The following AUTS2 variants were observed in gnomAD, a reference collection of about 807,000 sequenced individuals.
The protein encoded by AUTS2 is autism susceptibility gene 2 protein.
Under a neutral mutation model 112.4 loss-of-function variants are expected in AUTS2, and 17 were observed. The ratio of observed to expected loss-of-function variants is 0.15; its 90% CI spans 0.10 to 0.23. The LOEUF is 0.23. AUTS2 is among the 10% of genes least tolerant of loss of function. AUTS2 has a pLI of 1.00. For synonymous variants in AUTS2, 751 were observed against 702.7 expected (o/e 1.07, Z -1.09); for missense variants, 1,510 against 1,701.6 (o/e 0.89, Z 1.98).
At chr7:69,611,886 C>T (rs924933415) in intron 1 of AUTS2, among the ~76,000 whole-genome samples, 2 of 133,906 alleles carry the variant, frequency 1.5e-5, no homozygotes, top group South Asian at 2.4e-4. Context: ...GCCGAGATTG[C>T]GCCACTGCAG....
intron 1 of AUTS2, among the ~76,000 whole-genome samples, chr7:69,620,365 C>T (rs1198062906): frequency 6.6e-6 from 1 of 152,170 alleles, no homozygotes; most frequent in Non-Finnish European, 1.5e-5. Context: ...GGGAATTGGG[C>T]ACTGATGAAT....
At chr7:70,047,335 C>T (rs182244049) in intron 2 of AUTS2, among the ~76,000 whole-genome samples, 40 of 152,194 alleles carry the variant, frequency 2.6e-4, no homozygotes, top group Admixed American at 2.2e-3. Context: ...GAATGCTAAC[C>T]CTCACGGAGC....
At position 70,781,364 on chromosome 7, in the gene AUTS2, C is replaced by CAAAAAA. The variant is rs756708435; in HGVS notation, c.2005-236_2005-231dup. The CAAAAAA allele has an allele frequency of 1.1e-4, 14 of 123,338 alleles. 1 individual carries two copies. Among genetic ancestry groups the CAAAAAA allele is most frequent in the South Asian group, 3.0e-4 (2 of 6,564 alleles). 7.6% of individuals were successfully genotyped at this position (123,338 alleles called of 1,614,324 possible). A position where few individuals can be genotyped will look rare whatever the true frequency, so the allele number is the denominator to read the frequency against. ...AAGCAGAGTGAGGGAGACTCCGTCA[C>CAAAAAA]AAAAAAAAAAAAAAAAAAAACCAGA... On this transcript the variant is annotated intron_variant, in intron 14 of 18. Transcript: ENST00000342771.
chr7:69,951,858 G>T (rs1305640520), intron 2 of AUTS2, among the ~76,000 whole-genome samples: 1 of 152,112 alleles, frequency 6.6e-6, no homozygotes, highest in African/African-American at 2.4e-5. Context: ...TTTAACTCTC[G>T]ATTATTTGTG....
At chr7:70,379,702 G>C (rs1422965290) in intron 4 of AUTS2, among the ~76,000 whole-genome samples, 2 of 152,106 alleles carry the variant, frequency 1.3e-5, no homozygotes, top group Non-Finnish European at 2.9e-5. Flanking sequence ...ATACAGGCTA[G>C]AAAATCCTCT....
chr7:70,325,764 A>G (rs575201974), intron 4 of AUTS2, among the ~76,000 whole-genome samples: 2 of 152,316 alleles, frequency 1.3e-5, no homozygotes, highest in East Asian at 3.9e-4. Context: ...GGACAAGTTC[A>G]GAGCCATCAG....
intron 3 of AUTS2, chr7:70,118,465 G>A: frequency 4.4e-6 from 2 of 459,426 alleles, no homozygotes; most frequent in Non-Finnish European, 7.1e-6. Context: ...TCATTAGGTA[G>A]GAGGAACTAT....
At position 70,415,323 on chromosome 7, in the gene AUTS2, A is replaced by G. The variant is rs557740291; in HGVS notation, c.661-20429A>G. ...TGATTTTTTCATTATGTCAACTGGAAAATATAGTCAGACTGCCTGCCCTGC... is the reference window on the plus strand; with the variant it reads ...TGATTTTTTCATTATGTCAACTGGAGAATATAGTCAGACTGCCTGCCCTGC... On this transcript the variant is annotated intron_variant, in intron 4 of 18. Transcript: ENST00000342771. Among the ~76,000 whole-genome samples, 349 of 152,302 alleles carry G rather than the reference A, an allele frequency of 2.3e-3. 3 individuals are homozygous for G. Among genetic ancestry groups the G allele is most frequent in the Non-Finnish European group, 3.8e-3 (257 of 68,030 alleles).
At chr7:70,055,748 A>G (rs1426192820) in intron 2 of AUTS2, among the ~76,000 whole-genome samples, 1 of 152,106 alleles carries the variant, frequency 6.6e-6, no homozygotes, top group Non-Finnish European at 1.5e-5. Flanking sequence ...TTTTCCCTCT[A>G]AGTTTCCCCA....
intron 1 of AUTS2, among the ~76,000 whole-genome samples, chr7:69,695,681 T>C (rs905368872): frequency 7.2e-5 from 11 of 152,202 alleles, no homozygotes; most frequent in Non-Finnish European, 1.6e-4. Flanking sequence ...TTATAATATT[T>C]TGCTATATTT....
intron 5 of AUTS2, among the ~76,000 whole-genome samples, chr7:70,537,661 C>A (rs899832287): frequency 3.9e-5 from 6 of 152,068 alleles, no homozygotes; most frequent in African/African-American, 1.4e-4. Context: ...TGAGAAGTAG[C>A]GTGTGGTGTG....
intron 4 of AUTS2, among the ~76,000 whole-genome samples, chr7:70,426,455 A>G (rs1219231775): frequency 1.3e-5 from 2 of 152,164 alleles, no homozygotes; most frequent in Non-Finnish European, 2.9e-5. Context: ...TTATGAACGC[A>G]ATCTTTCTGT....
rs1005338282 is a variant in AUTS2 at position 70,110,915 on chromosome 7, A to G, written c.523-7217A>G. ...TCTCGCTCTGTCGCCCCAGTCGCCC[A>G]GGCTGGAGCGCAGTGGCGCGATCTC... On this transcript the variant is annotated intron_variant, in intron 2 of 18. Transcript: ENST00000342771. Among the ~76,000 whole-genome samples the G allele has an allele frequency of 1.1e-4, 13 of 120,180 alleles. No homozygotes were observed. The East Asian group carries it at 3.3e-3, about 31-fold the overall frequency. 78.8% of individuals were successfully genotyped at this position (120,180 alleles called of 152,430 possible). A position where few individuals can be genotyped will look rare whatever the true frequency, so the allele number is the denominator to read the frequency against.
rs1420332352 is a variant in AUTS2 at position 69,946,830 on chromosome 7, A to C, written c.522+47332A>C. ...TGCTTTATGATGTCTTGAATATAGA[A>C]GCAACGTGTGTTTTGTTGTTTCTTT... On this transcript the variant is annotated intron_variant, in intron 2 of 18. Coordinates refer to ENST00000342771, the MANE Select transcript of AUTS2 (RefSeq NM_015570.4). 6.6e-5 allele frequency among the ~76,000 whole-genome samples: 10 copies of C among 152,176 alleles called. No individual in the cohort carries two copies. The South Asian group carries it at 1.0e-3, about 16-fold the overall frequency.
Position 70,772,004 on chromosome 7 carries a change from G to A in AUTS2, c.1830+360G>A, listed in dbSNP as rs1019098099. ...ATGTGCGCCAGGTTGTTCCGCAGGT[G>A]TATGTAATTAGTAAAGACACAAAGC... is the stretch of plus-strand genomic sequence containing the variant. On this transcript the variant is annotated intron_variant, in intron 11 of 18. Coordinates refer to ENST00000342771, the MANE Select transcript of AUTS2 (RefSeq NM_015570.4). Among the ~76,000 whole-genome samples, 4 of 152,312 alleles carry A rather than the reference G, an allele frequency of 2.6e-5. 1 individual carries two copies.
At chr7:70,504,773 C>T (rs968602509) in intron 5 of AUTS2, among the ~76,000 whole-genome samples, 1 of 152,110 alleles carries the variant, frequency 6.6e-6, no homozygotes, top group African/African-American at 2.4e-5. Flanking sequence ...TTTATATTTA[C>T]ACAGGTTTTA....
intron 11 of AUTS2, among the ~76,000 whole-genome samples, chr7:70,773,703 T>C (rs1461421483): frequency 1.3e-5 from 2 of 152,132 alleles, no homozygotes; most frequent in Admixed American, 6.5e-5. Flanking sequence ...TGGCAGTCCC[T>C]GCCATGGGTT....
At chr7:70,012,754 A>C (rs1444395279) in intron 2 of AUTS2, among the ~76,000 whole-genome samples, 5 of 152,242 alleles carry the variant, frequency 3.3e-5, no homozygotes, top group Admixed American at 3.3e-4. Context: ...TTGCCCGGGC[A>C]CTTCAGTTGA....
chr7:70,415,111 G>A (rs892027157), intron 4 of AUTS2, among the ~76,000 whole-genome samples: 1 of 152,200 alleles, frequency 6.6e-6, no homozygotes, highest in African/African-American at 2.4e-5. Context: ...CACCTAACCT[G>A]CCAATTCTCA....
Sources: gnomAD v4.1 joint callset for allele counts (sites outside exome capture counted in the v4.1 genomes callset) on GRCh38, gnomAD v4.1.1 for gene constraint, MANE v1.5 for transcripts, NCBI Gene and HGNC (gene_info 2026-07-23, HGNC 2026-07-21) for gene names.